MS4A1: variants seen among roughly 807,000 people sequenced by gnomAD.
MS4A1 encodes B-lymphocyte antigen CD20.
In MS4A1, 16 loss-of-function variants were observed where a neutral mutation model predicts 26.5. That is an observed-to-expected ratio of 0.60 (90% CI 0.41 to 0.92). MS4A1 has a LOEUF of 0.92. MS4A1 is among the 40% of genes least tolerant of loss of function. MS4A1 has a pLI of 0.00. For missense variants in MS4A1, 350 were observed against 353.0 expected, an observed-to-expected ratio of 0.99 and a Z score of 0.07; for synonymous variants, 128 against 117.6, an observed-to-expected ratio of 1.09 and a Z score of -0.57.
chr11:60,465,804 G>A, intron 5 of MS4A1, 117 bp from the exon 6 acceptor site: 3 of 772,866 alleles, frequency 3.9e-6, no homozygotes, highest in Middle Eastern at 7.5e-4. Context: ...GAGAACTTCA[G>A]TATATTTAGT....
intron 1 of MS4A1, among the ~76,000 whole-genome samples, chr11:60,457,240 G>A (rs2086211780): frequency 6.6e-6 from 1 of 152,184 alleles, no homozygotes; most frequent in East Asian, 1.9e-4. Flanking sequence ...AGGAAAGAAG[G>A]TAGAGGACAT....
chr11:60,466,656 ATTT>A (rs2086294238), intron 6 of MS4A1: 40 of 408,800 alleles, frequency 9.8e-5, no homozygotes, highest in South Asian at 9.1e-4. Context: ...GCTGAATACA[ATTT>A]AATTTGAGAC....
At chr11:60,463,192 G>A (rs2086263398) in intron 4 of MS4A1, 71 bp downstream of exon 4, 2 of 1,591,532 alleles carry the variant, frequency 1.3e-6, no homozygotes, top group East Asian at 2.2e-5. Flanking sequence ...ACAGGGATAT[G>A]CCAGATTATT....
chr11:60,465,804 G>C, intron 5 of MS4A1, 117 bp from the exon 6 acceptor site: 1 of 772,866 alleles, frequency 1.3e-6, no homozygotes, highest in South Asian at 1.5e-5. Context: ...GAGAACTTCA[G>C]TATATTTAGT....
chr11:60,457,430 T>G (rs2086213454), intron 1 of MS4A1, among the ~76,000 whole-genome samples: 1 of 152,126 alleles, frequency 6.6e-6, no homozygotes, highest in Middle Eastern at 3.2e-3. Context: ...GAGCTTGATG[T>G]AGCAGCCTTG....
At chr11:60,461,324 A>G (rs936039930) in intron 2 of MS4A1, among the ~76,000 whole-genome samples, 164 bp downstream of exon 2, 11 of 151,630 alleles carry the variant, frequency 7.3e-5, no homozygotes, top group African/African-American at 2.7e-4. Flanking sequence ...TGCACAGACC[A>G]TGAGCCCAGT....
chr11:60,458,974 T>G lies in MS4A1; in HGVS notation c.-279-2098T>G, dbSNP rs955882440. Among the ~76,000 whole-genome samples, 7 of 150,572 alleles carry G rather than the reference T, an allele frequency of 4.6e-5. No individual in the cohort carries two copies. In the South Asian group the frequency reaches 1.2e-3, roughly 27 times the overall value. ...ATGAGATACCATTTTAACAGAGAAA[T>G]ATCACACACACACACACACAGCCCT... On this transcript the variant is annotated intron_variant, in intron 1 of 7. Coordinates refer to ENST00000345732, the MANE Select transcript of MS4A1 (RefSeq NM_152866.3).
intron 1 of MS4A1, among the ~76,000 whole-genome samples, chr11:60,460,387 A>G (rs556228388): frequency 1.1e-4 from 16 of 152,348 alleles, no homozygotes; most frequent in Admixed American, 3.3e-4. Flanking sequence ...CTCAGATGAG[A>G]TGCCATGTGT....
chr11:60,467,880 T>C (rs2086307421), intron 7 of MS4A1, among the ~76,000 whole-genome samples: 1 of 152,148 alleles, frequency 6.6e-6, no homozygotes, highest in Non-Finnish European at 1.5e-5. Flanking sequence ...AATTACTTCA[T>C]TTTGCATTTA....
In MS4A1 at chr11:60,468,715, G is replaced by A. The variant is rs1455445486; in HGVS notation, c.*247G>A. ...CTTACACTGAAGAAAGGCAGAATGA[G>A]TGCTTCAGAATGTGATTTCCTACTA... On this transcript the variant is annotated 3_prime_UTR_variant, in exon 8 of 8. Coordinates refer to ENST00000345732, the MANE Select transcript of MS4A1 (RefSeq NM_152866.3). 3.8e-6 allele frequency: 2 copies of A among 524,698 alleles called. No homozygotes were observed. Among genetic ancestry groups the A allele is most frequent in the Admixed American group, 3.4e-5 (1 of 29,622 alleles). 32.5% of individuals were successfully genotyped at this position (524,698 alleles called of 1,614,324 possible).
Position 60,468,863 on chromosome 11 carries a change from C to CT in MS4A1, c.*403dup, listed in dbSNP as rs559584718. On this transcript the variant is annotated 3_prime_UTR_variant, in exon 8 of 8. Transcript: ENST00000345732. Reference sequence around the variant, plus strand: ...CTGCTTCATGACATTCCTAAACTATCTTTTTTTTATTCCACATCTACGTTT... The same window carrying CT: ...CTGCTTCATGACATTCCTAAACTATCTTTTTTTTTATTCCACATCTACGTTT... 6 of 186,528 alleles carry CT rather than the reference C, an allele frequency of 3.2e-5. No homozygotes were observed. The highest frequency in any genetic ancestry group is 1.4e-4 in the East Asian group (1 of 7,296). The allele number at this position is 186,528 out of a possible 1,614,324, so 11.6% of individuals were successfully genotyped here. A position where few individuals can be genotyped will look rare whatever the true frequency, so the allele number is the denominator to read the frequency against.
chr11:60,466,819 G>T lies in MS4A1; in HGVS notation c.574-140G>T, dbSNP rs552454244. On this transcript the variant is annotated intron_variant, in intron 6 of 7. Coordinates refer to ENST00000345732, the MANE Select transcript of MS4A1 (RefSeq NM_152866.3). ...AAAGATGCTGTCTCCTGTACTAGCA[G>T]TTCTCACAGCTATTCATTACTTGTC... 24 of 836,366 alleles carry T rather than the reference G, an allele frequency of 2.9e-5. No individual in the cohort carries two copies. The South Asian group carries it at 3.3e-4, about 12-fold the overall frequency. The allele number at this position is 836,366 out of a possible 1,614,324, so 51.8% of individuals were successfully genotyped here.
Position 60,466,119 on chromosome 11 carries a change from T to C in MS4A1, c.535T>C (p.Ser179Pro), listed in dbSNP as rs193204741. The C allele has an allele frequency of 1.2e-6, 2 of 1,613,208 alleles. No individual in the cohort carries two copies. Among genetic ancestry groups the C allele is most frequent in the Non-Finnish European group, 8.5e-7 (1 of 1,179,158 alleles). ...PANPSEKNSPSTQYCYSIQSL... is the reference protein window; with the variant it reads ...PANPSEKNSPPTQYCYSIQSL... ...TAATCCCTCTGAGAAAAACTCCCCA[T>C]CTACCCAATACTGTTACAGCATACA... Residue 179 changes from serine (S) to proline (P), a missense_variant, in exon 6 of 8, where the codon TCT becomes CCT. Coordinates refer to ENST00000345732, the MANE Select transcript of MS4A1 (RefSeq NM_152866.3).
rs763588373 is a variant in MS4A1, at chr11:60,462,409, T to A, written c.35T>A (p.Phe12Tyr). The change falls in exon 3 of 8, where the codon TTC becomes TAC. Residue 12 changes from phenylalanine to tyrosine, a missense_variant. Coordinates refer to ENST00000345732, the MANE Select transcript of MS4A1 (RefSeq NM_152866.3). Reference sequence around the variant, plus strand: ...CCCAGAAATTCAGTAAATGGGACTTTCCCGGCAGAGCCAATGAAAGGCCCT... The same window carrying A: ...CCCAGAAATTCAGTAAATGGGACTTACCCGGCAGAGCCAATGAAAGGCCCT... ...TTPRNSVNGT[F>Y]PAEPMKGPIA... 25 of 1,614,088 alleles carry A rather than the reference T, an allele frequency of 1.5e-5. No homozygotes were observed. Among genetic ancestry groups the A allele is most frequent in the Non-Finnish European group, 2.1e-5 (25 of 1,180,046 alleles).
intron 7 of MS4A1, 52 bp from the exon 8 acceptor site, chr11:60,468,198 A>G: frequency 6.7e-6 from 9 of 1,349,466 alleles, no homozygotes; most frequent in Non-Finnish European, 9.4e-6. Flanking sequence ...GATTGTTGAC[A>G]AAGGTGTCAG....
chr11:60,464,512 G>A (rs1165543446), intron 5 of MS4A1, among the ~76,000 whole-genome samples, 168 bp downstream of exon 5: 1 of 152,098 alleles, frequency 6.6e-6, no homozygotes, highest in African/African-American at 2.4e-5. Context: ...TTAGAAGCGA[G>A]GTCTATCTGA....
At position 60,466,582 on chromosome 11, in the gene MS4A1, A is replaced by AT. The variant is rs2086293537; in HGVS notation, c.574-376dup. The AT allele has an allele frequency of 1.2e-5, 4 of 322,534 alleles. No homozygotes were observed. The South Asian group carries it at 1.4e-4, about 11-fold the overall frequency. The allele number at this position is 322,534 out of a possible 1,614,324, so 20.0% of individuals were successfully genotyped here. A position where few individuals can be genotyped will look rare whatever the true frequency, so the allele number is the denominator to read the frequency against. On this transcript the variant is annotated intron_variant, in intron 6 of 7. Coordinates refer to ENST00000345732, the MANE Select transcript of MS4A1 (RefSeq NM_152866.3). The stretch of plus-strand genomic sequence containing the variant: ...CTTTTAAATGTAGAGTTTGAAAGAG[A>AT]TAAAAAAAAATGCATCTCCCAAGGA...
chr11:60,467,349 C>T (rs1479990662), intron 7 of MS4A1, among the ~76,000 whole-genome samples: 2 of 149,400 alleles, frequency 1.3e-5, no homozygotes, highest in Non-Finnish European at 3.0e-5. Context: ...GCGATCTTGG[C>T]CCAGTGCAAC....
intron 5 of MS4A1, chr11:60,465,707 T>C (rs1430145359): frequency 3.6e-6 from 2 of 558,962 alleles, no homozygotes; most frequent in Non-Finnish European, 6.4e-6. Context: ...AACAGATGGA[T>C]GGTGAATGAG....
Sources: gnomAD v4.1 joint callset for allele counts (sites outside exome capture counted in the v4.1 genomes callset) on GRCh38, gnomAD v4.1.1 for gene constraint, MANE v1.5 for transcripts, NCBI Gene and HGNC (gene_info 2026-07-23, HGNC 2026-07-21) for gene names.